The following SLC60A1 variants were observed in gnomAD, a reference collection of about 807,000 sequenced individuals.
The protein encoded by SLC60A1 is solute carrier family 60 member 1.
the SLC60A1 span, chr1:205,580,598 C>G: frequency 6.3e-7 from 1 of 1,578,226 alleles, no homozygotes; most frequent in Non-Finnish European, 8.6e-7. The surrounding 1 kb of genome is among the most constrained non-coding windows in gnomAD (Gnocchi z 5.0). Context: ...GAGGCCAGGC[C>G]ACCACTTCCC....
chr1:205,588,064 A>T, the SLC60A1 span, among the ~76,000 whole-genome samples: 62,954 of 151,900 alleles, frequency 0.41, 14,258 homozygotes, highest in African/African-American at 0.58. Flanking sequence ...GCAATCTATA[A>T]ATTAAACAAA....
the SLC60A1 span, chr1:205,592,352 C>G: frequency 1.4e-6 from 2 of 1,478,332 alleles, no homozygotes; most frequent in Non-Finnish European, 1.8e-6. Context: ...CTCGCTCTGC[C>G]CTGTCTCTCT....
the SLC60A1 span, among the ~76,000 whole-genome samples, chr1:205,595,392 C>G: frequency 4.3e-4 from 66 of 152,306 alleles, no homozygotes; most frequent in South Asian, 3.9e-3. Flanking sequence ...AGACCTAACT[C>G]CAGGAAGTGT....
chr1:205,576,601 A>G, the SLC60A1 span, among the ~76,000 whole-genome samples: 1 of 152,240 alleles, frequency 6.6e-6, no homozygotes, highest in African/African-American at 2.4e-5. Flanking sequence ...TGGTTATTCC[A>G]TAATTTTTAA....
chr1:205,585,381 C>T, the SLC60A1 span, among the ~76,000 whole-genome samples: 161 of 152,224 alleles, frequency 1.1e-3, no homozygotes, highest in Non-Finnish European at 1.5e-3. The surrounding 1 kb of genome is among the most constrained non-coding windows in gnomAD (Gnocchi z 4.2). Context: ...CTGGGTGTCT[C>T]GAGCCAGTGT....
the SLC60A1 span, among the ~76,000 whole-genome samples, chr1:205,576,130 C>T: frequency 6.6e-6 from 1 of 152,158 alleles, no homozygotes; most frequent in East Asian, 1.9e-4. Flanking sequence ...GCAGGGGTAT[C>T]TCCCTCCAAC....
chr1:205,580,614 T>A, the SLC60A1 span: 1 of 1,597,340 alleles, frequency 6.3e-7, no homozygotes, highest in Non-Finnish European at 8.5e-7. The surrounding 1 kb of genome is among the most constrained non-coding windows in gnomAD (Gnocchi z 5.0). Flanking sequence ...TTCCCCGGGC[T>A]GAAGACTGAC....
At chr1:205,573,171 G>A in the SLC60A1 span, among the ~76,000 whole-genome samples, 1,350 of 152,280 alleles carry the variant, frequency 8.9e-3, 34 homozygotes, top group Admixed American at 0.055. Flanking sequence ...AGCACTTTGG[G>A]AGGCTGAGGC....
the SLC60A1 span, among the ~76,000 whole-genome samples, chr1:205,569,811 C>G: frequency 5.9e-5 from 9 of 152,108 alleles, no homozygotes; most frequent in African/African-American, 2.2e-4. Flanking sequence ...ATTCCCAGGG[C>G]CAGGCTCCAC....
At chr1:205,591,093 A>G in the SLC60A1 span, among the ~76,000 whole-genome samples, 1 of 152,214 alleles carries the variant, frequency 6.6e-6, no homozygotes, top group Non-Finnish European at 1.5e-5. Flanking sequence ...TCTTGCACAG[A>G]AGTGACTCAA....
the SLC60A1 span, among the ~76,000 whole-genome samples, chr1:205,578,162 G>T: frequency 1.3e-5 from 2 of 152,202 alleles, no homozygotes; most frequent in Non-Finnish European, 2.9e-5. Flanking sequence ...CCCTGCTTAC[G>T]CAAAGTGGTG....
At chr1:205,573,431 A>G in the SLC60A1 span, among the ~76,000 whole-genome samples, 1 of 152,128 alleles carries the variant, frequency 6.6e-6, no homozygotes, top group Admixed American at 6.5e-5. Context: ...AAAAAAGAAA[A>G]AAAAAAAGTG....
the SLC60A1 span, among the ~76,000 whole-genome samples, chr1:205,596,663 G>T: frequency 1.7e-4 from 25 of 150,978 alleles, no homozygotes. Flanking sequence ...GGAGGTGAGA[G>T]TTACGGAGGG....
the SLC60A1 span, among the ~76,000 whole-genome samples, chr1:205,583,546 C>T: frequency 2.6e-5 from 4 of 152,272 alleles, no homozygotes; most frequent in Admixed American, 2.0e-4. Context: ...TGATAACATC[C>T]CCCAGCATGT....
chr1:205,578,748 C>T, the SLC60A1 span, among the ~76,000 whole-genome samples: 1 of 152,096 alleles, frequency 6.6e-6, no homozygotes, highest in African/African-American at 2.4e-5. Context: ...CTCTCAGCTC[C>T]CACCTTTCCA....
the SLC60A1 span, chr1:205,600,752 T>C: frequency 5.3e-6 from 2 of 377,488 alleles, no homozygotes; most frequent in Non-Finnish European, 9.7e-6. Flanking sequence ...TTCACTCCAT[T>C]TGTCACCTCA....
chr1:205,599,133 A>G, the SLC60A1 span: 2 of 1,614,068 alleles, frequency 1.2e-6, no homozygotes, highest in African/African-American at 2.7e-5. Context: ...TTTGGCAGAT[A>G]TTCCAGGCTC....
At chr1:205,596,969 G>A in the SLC60A1 span, among the ~76,000 whole-genome samples, 1 of 152,190 alleles carries the variant, frequency 6.6e-6, no homozygotes, top group Non-Finnish European at 1.5e-5. Flanking sequence ...GCCAGTAGGT[G>A]ACAACCTGGG....
At chr1:205,589,486 CTT>C in the SLC60A1 span, among the ~76,000 whole-genome samples, 2 of 152,260 alleles carry the variant, frequency 1.3e-5, no homozygotes, top group South Asian at 4.1e-4. Flanking sequence ...GTTGCATTTT[CTT>C]TTTTCTTTTT....
Sources: gnomAD v4.1 joint callset for allele counts (sites outside exome capture counted in the v4.1 genomes callset) on GRCh38, gnomAD v4.1.1 for gene constraint, Gnocchi (gnomAD v3.1) non-coding constraint, MANE v1.5 for transcripts, NCBI Gene and HGNC (gene_info 2026-07-23, HGNC 2026-07-21) for gene names.